CCDC91: variants seen among roughly 807,000 people sequenced by gnomAD.
The protein encoded by CCDC91 is coiled-coil domain containing 91, also known as coiled-coil domain-containing protein 91.
A neutral mutation model predicts 63.2 loss-of-function variants in CCDC91; 48 were observed. That is an observed-to-expected ratio of 0.76 (90% CI 0.60 to 0.97). CCDC91 has a LOEUF of 0.97. CCDC91 is among the 50% of genes least tolerant of loss of function. CCDC91 has a pLI of 0.00. For missense variants in CCDC91, 500 were observed against 494.6 expected, an observed-to-expected ratio of 1.01 and a Z score of -0.10; for synonymous variants, 167 against 165.8, an observed-to-expected ratio of 1.01 and a Z score of -0.06.
Position 28,505,585 on chromosome 12 carries a change from AGT to A in CCDC91, c.1215+21421_1215+21422del, listed in dbSNP as rs558528196. On this transcript the variant is annotated intron_variant, in intron 12 of 12. Transcript: ENST00000536442. The stretch of plus-strand genomic sequence containing the variant: ...TTCTTTCCTTGTTTAAGAAACATGC[AGT>A]TACTACTGCTGCACTCCTCTCCTAA... 4.0e-3 allele frequency: 616 copies of A among 152,124 alleles called. 2 individuals are homozygous for A. Among genetic ancestry groups the A allele is most frequent in the Admixed American group, 7.7e-3 (118 of 15,236 alleles). 9.4% of individuals were successfully genotyped at this position (152,124 alleles called of 1,614,324 possible).
intron 3 of CCDC91, among the ~76,000 whole-genome samples, chr12:28,261,393 G>A (rs1241937841): frequency 6.6e-6 from 1 of 151,876 alleles, no homozygotes; most frequent in Non-Finnish European, 1.5e-5. Flanking sequence ...ATGTTTAAAG[G>A]TGTGGAATAG....
At chr12:28,428,015 A>G (rs1264596231) in intron 8 of CCDC91, among the ~76,000 whole-genome samples, 1 of 152,170 alleles carries the variant, frequency 6.6e-6, no homozygotes, top group Non-Finnish European at 1.5e-5. Flanking sequence ...TTTGAAAATT[A>G]TTGGTACTAA....
intron 1 of CCDC91, among the ~76,000 whole-genome samples, chr12:28,244,574 A>G (rs532111144): frequency 7.6e-6 from 1 of 132,110 alleles, no homozygotes; most frequent in Non-Finnish European, 1.5e-5. Flanking sequence ...GTGAACGTTG[A>G]ACACTGGAGG....
At chr12:28,475,299 G>A (rs1951024980) in intron 11 of CCDC91, among the ~76,000 whole-genome samples, 1 of 152,068 alleles carries the variant, frequency 6.6e-6, no homozygotes, top group Admixed American at 6.6e-5. Flanking sequence ...TGCAGGGATA[G>A]AATGTAGGAT....
chr12:28,476,261 A>G (rs1951084121), intron 11 of CCDC91, among the ~76,000 whole-genome samples: 1 of 152,182 alleles, frequency 6.6e-6, no homozygotes, highest in Non-Finnish European at 1.5e-5. Context: ...AACAGAAATA[A>G]CAACAAACTG....
At chr12:28,495,807 G>C (rs1378833958) in intron 12 of CCDC91, among the ~76,000 whole-genome samples, 3 of 151,588 alleles carry the variant, frequency 2.0e-5, no homozygotes, top group Non-Finnish European at 4.4e-5. Context: ...TCTGGTAATA[G>C]AAGTATCCAA....
chr12:28,388,076 C>G (rs1170574802), intron 7 of CCDC91, among the ~76,000 whole-genome samples: 1 of 152,112 alleles, frequency 6.6e-6, no homozygotes, highest in East Asian at 1.9e-4. Flanking sequence ...GCCATTCTTG[C>G]AGGAGTAAGA....
At chr12:28,521,511 T>G (rs1233499811) in intron 12 of CCDC91, among the ~76,000 whole-genome samples, 2 of 152,206 alleles carry the variant, frequency 1.3e-5, no homozygotes, top group African/African-American at 4.8e-5. Context: ...AATCATGTCA[T>G]CAGCAAACAG....
At chr12:28,513,876 G>T (rs570597521) in intron 12 of CCDC91, among the ~76,000 whole-genome samples, 18 of 151,976 alleles carry the variant, frequency 1.2e-4, no homozygotes, top group Admixed American at 3.3e-4. Flanking sequence ...TGGGCATTTA[G>T]GTTGACTCCA....
Position 28,379,334 on chromosome 12 carries a change from C to T in CCDC91, c.655-11970C>T, listed in dbSNP as rs182864968. ...ATTAAACTAAAGAGCTTTTGCACAGCAAAAGAAACTACCATCAGAGTGAAG... is the reference window on the plus strand; with the variant it reads ...ATTAAACTAAAGAGCTTTTGCACAGTAAAAGAAACTACCATCAGAGTGAAG... On this transcript the variant is annotated intron_variant, in intron 7 of 12. Transcript: ENST00000536442. Among the ~76,000 whole-genome samples the T allele has an allele frequency of 2.0e-3, 299 of 148,002 alleles. 1 individual carries two copies. Among genetic ancestry groups the T allele is most frequent in the African/African-American group, 7.0e-3 (280 of 40,248 alleles).
intron 11 of CCDC91, among the ~76,000 whole-genome samples, chr12:28,476,927 T>C (rs1951130796): frequency 6.6e-6 from 1 of 152,004 alleles, no homozygotes. Context: ...CAGGAAGAAG[T>C]TGAATCTCTG....
At chr12:28,211,678 T>A (rs1943242056) in intron 1 of CCDC91, among the ~76,000 whole-genome samples, 1 of 152,184 alleles carries the variant, frequency 6.6e-6, no homozygotes, top group Admixed American at 6.5e-5. Context: ...TGGAAGGAAC[T>A]CAGTTTTCTA....
chr12:28,521,997 G>A (rs1158079810), intron 12 of CCDC91, among the ~76,000 whole-genome samples: 1 of 152,110 alleles, frequency 6.6e-6, no homozygotes, highest in Non-Finnish European at 1.5e-5. Flanking sequence ...GAGGATTTTT[G>A]CATCAATGTT....
chr12:28,312,956 C>T (rs542565640), intron 6 of CCDC91, among the ~76,000 whole-genome samples: 14 of 152,056 alleles, frequency 9.2e-5, no homozygotes, highest in Admixed American at 3.9e-4. Flanking sequence ...TGCCTAGTCT[C>T]GGGTATGTCT....
intron 8 of CCDC91, among the ~76,000 whole-genome samples, chr12:28,396,669 TGTGTGTGTGTGG>T (rs1946311390): frequency 6.6e-6 from 1 of 150,720 alleles, no homozygotes; most frequent in Non-Finnish European, 1.5e-5. Flanking sequence ...TGTGTGTGTG[TGTGTGTGTGTGG>T]GCATGTGTGT....
chr12:28,299,113 G>T (rs1474487793), intron 3 of CCDC91, among the ~76,000 whole-genome samples: 2 of 151,470 alleles, frequency 1.3e-5, no homozygotes, highest in Non-Finnish European at 3.0e-5. Flanking sequence ...TGGAGACCAA[G>T]TTATTTTTCC....
chr12:28,210,614 C>G (rs1943167484), intron 1 of CCDC91, among the ~76,000 whole-genome samples: 1 of 152,072 alleles, frequency 6.6e-6, no homozygotes, highest in Non-Finnish European at 1.5e-5. Flanking sequence ...TGAATATCTG[C>G]TTTTAATTAA....
chr12:28,306,719 A>AT (rs745523810), intron 4 of CCDC91, 23 bp from the exon 5 acceptor site: 29,017 of 1,110,516 alleles, frequency 0.026, 16 homozygotes, highest in East Asian at 0.062. Context: ...TCTCTTGTGT[A>AT]TTTTTTTTTT....
intron 12 of CCDC91, among the ~76,000 whole-genome samples, chr12:28,501,221 T>G (rs1565483431): frequency 6.6e-6 from 1 of 151,952 alleles, no homozygotes; most frequent in Non-Finnish European, 1.5e-5. Context: ...CTAATTGCCC[T>G]GGCCAGAACT....
Sources: allele counts gnomAD v4.1 joint callset (sites outside exome capture counted in the v4.1 genomes callset), GRCh38; gene constraint gnomAD v4.1.1; transcripts MANE v1.5; gene names NCBI Gene and HGNC (gene_info 2026-07-23, HGNC 2026-07-21).